The following SMYD3 variants were observed in gnomAD, a reference collection of about 807,000 sequenced individuals.
The protein encoded by SMYD3 is SET and MYND domain containing 3, also known as histone-lysine N-methyltransferase SMYD3.
SMYD3 carries 36 observed loss-of-function variants against 57.7 expected under a neutral mutation model. The observed-to-expected ratio is 0.62, with a 90% CI of 0.48 to 0.82. The LOEUF (loss-of-function observed/expected upper bound fraction) is 0.82, where lower values mean the gene tolerates loss of function less well. Ranked by LOEUF, SMYD3 falls within the 40% of genes least tolerant of loss-of-function variation. The pLI is 0.00. For synonymous variants in SMYD3, 211 were observed against 195.0 expected (o/e 1.08, Z -0.68); for missense variants, 515 against 538.8 (o/e 0.96, Z 0.44).
intron 1 of SMYD3, among the ~76,000 whole-genome samples, chr1:246,404,571 T>C (rs2066828431): frequency 6.6e-6 from 1 of 152,174 alleles, no homozygotes; most frequent in South Asian, 2.1e-4. Flanking sequence ...AGTGAGGAGT[T>C]TGCAAGTTAA....
chr1:245,818,664 G>C (rs2048986823), intron 10 of SMYD3, among the ~76,000 whole-genome samples: 1 of 151,632 alleles, frequency 6.6e-6, no homozygotes, highest in South Asian at 2.1e-4. Context: ...CACGAGCAGA[G>C]ACACACATAG....
At chr1:245,951,625 G>T (rs1434321113) in intron 5 of SMYD3, among the ~76,000 whole-genome samples, 1 of 148,418 alleles carries the variant, frequency 6.7e-6, no homozygotes, top group Non-Finnish European at 1.5e-5. Flanking sequence ...CTACGAGTCT[G>T]ACTGTGCTGC....
Position 246,349,288 on chromosome 1 carries a change from A to G in SMYD3, c.228+5743T>C, listed in dbSNP as rs79164102. ...TGTATTTAATTATGTATGTTTATGT[A>G]TAAGCTAAATAAATGACATAAGAGA... On this transcript the variant is annotated intron_variant, in intron 2 of 11. Transcript: ENST00000490107. 5.2e-4 allele frequency among the ~76,000 whole-genome samples: 79 copies of G among 152,356 alleles called. No individual in the cohort carries two copies. In the East Asian group the frequency reaches 0.014, roughly 28 times the overall value.
Position 246,353,306 on chromosome 1 carries a change from T to A in SMYD3, c.228+1725A>T, listed in dbSNP as rs558026437. Among the ~76,000 whole-genome samples the A allele has an allele frequency of 5.3e-5, 8 of 152,238 alleles. No individual in the cohort carries two copies. The East Asian group carries it at 1.5e-3, about 29-fold the overall frequency. ...ACTTTGGGAGGCCAAAGCAGGAGGATCACTAGAGCTCAGGAGTTTAACATC... is the reference window on the plus strand; with the variant it reads ...ACTTTGGGAGGCCAAAGCAGGAGGAACACTAGAGCTCAGGAGTTTAACATC... On this transcript the variant is annotated intron_variant, in intron 2 of 11. Coordinates refer to ENST00000490107, the MANE Select transcript of SMYD3 (RefSeq NM_001167740.2).
At chr1:246,085,365 TG>T (rs1209429587) in intron 5 of SMYD3, among the ~76,000 whole-genome samples, 1 of 152,090 alleles carries the variant, frequency 6.6e-6, no homozygotes, top group Non-Finnish European at 1.5e-5. Context: ...TATGGTACTT[TG>T]GCATATTAGA....
chr1:246,486,103 C>T (rs545200420), intron 1 of SMYD3, among the ~76,000 whole-genome samples: 1 of 152,302 alleles, frequency 6.6e-6, no homozygotes, highest in South Asian at 2.1e-4. Context: ...ACGCTGGATG[C>T]TGAACACTTT....
At chr1:246,026,284 T>C (rs1471683023) in intron 5 of SMYD3, among the ~76,000 whole-genome samples, 1 of 152,234 alleles carries the variant, frequency 6.6e-6, no homozygotes, top group Non-Finnish European at 1.5e-5. Flanking sequence ...CAAATACTCA[T>C]TTATATCAGT....
At chr1:246,429,427 C>T (rs570030204) in intron 1 of SMYD3, among the ~76,000 whole-genome samples, 6 of 152,248 alleles carry the variant, frequency 3.9e-5, no homozygotes, top group South Asian at 4.2e-4. Flanking sequence ...AAATGTAGGA[C>T]GCATCCTAAT....
chr1:245,996,338 C>T (rs1386916333), intron 5 of SMYD3, among the ~76,000 whole-genome samples: 1 of 152,216 alleles, frequency 6.6e-6, no homozygotes, highest in Non-Finnish European at 1.5e-5. Context: ...AGATCAATGG[C>T]ACACACCTGC....
At chr1:246,496,752 G>A (rs2068370858) in intron 1 of SMYD3, among the ~76,000 whole-genome samples, 1 of 152,144 alleles carries the variant, frequency 6.6e-6, no homozygotes, top group African/African-American at 2.4e-5. Flanking sequence ...CTTCAGCCAG[G>A]AGGTTGAGGC....
intron 8 of SMYD3, among the ~76,000 whole-genome samples, chr1:245,888,778 T>C (rs923264006): frequency 2.0e-5 from 3 of 152,140 alleles, no homozygotes; most frequent in African/African-American, 7.2e-5. Context: ...CCAATCTGAG[T>C]GTCATTTCAG....
At chr1:246,208,607 A>G (rs1237513132) in intron 5 of SMYD3, among the ~76,000 whole-genome samples, 1 of 152,160 alleles carries the variant, frequency 6.6e-6, no homozygotes, top group Admixed American at 6.5e-5. Context: ...CGGAAGCTAC[A>G]TGTTTGTACC....
intron 5 of SMYD3, among the ~76,000 whole-genome samples, chr1:246,180,876 C>T (rs1164061622): frequency 6.7e-6 from 1 of 150,172 alleles, no homozygotes; most frequent in Admixed American, 6.6e-5. Flanking sequence ...AGAAACACTC[C>T]CCAGAACTGA....
At chr1:246,293,384 G>A (rs1382849462) in intron 5 of SMYD3, among the ~76,000 whole-genome samples, 2 of 152,160 alleles carry the variant, frequency 1.3e-5, no homozygotes, top group Non-Finnish European at 2.9e-5. Context: ...CATAGGTGTG[G>A]TAAGTGTGAT....
At chr1:245,952,014 A>C (rs1051622334) in intron 5 of SMYD3, among the ~76,000 whole-genome samples, 6 of 151,848 alleles carry the variant, frequency 4.0e-5, no homozygotes, top group African/African-American at 9.7e-5. Context: ...TCCAACTTTG[A>C]ATTCAAAGAC....
chr1:246,382,457 G>T (rs192926796), intron 1 of SMYD3, among the ~76,000 whole-genome samples: 3 of 152,058 alleles, frequency 2.0e-5, no homozygotes, highest in Admixed American at 1.3e-4. Flanking sequence ...AGTAAACTCA[G>T]CATCCACAGC....
chr1:245,824,874 A>C (rs1023785332), intron 10 of SMYD3, among the ~76,000 whole-genome samples: 31 of 151,310 alleles, frequency 2.0e-4, no homozygotes, highest in Admixed American at 5.3e-4. Context: ...AAAAAACAAA[A>C]AAAAAAATTA....
At chr1:245,862,925 T>C (rs372793080) in intron 9 of SMYD3, among the ~76,000 whole-genome samples, 1 of 152,312 alleles carries the variant, frequency 6.6e-6, no homozygotes, top group African/African-American at 2.4e-5. Flanking sequence ...CAGTGGGCTA[T>C]TGATTCAAAA....
chr1:246,188,160 A>T (rs1333356781), intron 5 of SMYD3, among the ~76,000 whole-genome samples: 1 of 152,188 alleles, frequency 6.6e-6, no homozygotes, highest in Admixed American at 6.5e-5. Flanking sequence ...TACTATCAGA[A>T]TGTTGTCGTG....
Sources: gnomAD v4.1 joint callset for allele counts (sites outside exome capture counted in the v4.1 genomes callset) on GRCh38, gnomAD v4.1.1 for gene constraint, MANE v1.5 for transcripts, NCBI Gene and HGNC (gene_info 2026-07-23, HGNC 2026-07-21) for gene names.